Variants in JMY observed in about 807,000 individuals in gnomAD.
The protein encoded by JMY is junction-mediating and -regulatory protein.
Under a neutral mutation model 103.3 loss-of-function variants are expected in JMY, and 46 were observed. That is an observed-to-expected ratio of 0.45 (90% CI 0.35 to 0.57). The LOEUF (loss-of-function observed/expected upper bound fraction) is 0.57, where lower values mean the gene tolerates loss of function less well. Among genes scored for constraint, JMY ranks in the 20% least tolerant of loss-of-function variants. The pLI, the probability that JMY is intolerant of heterozygous loss-of-function variation, is 0.00. For synonymous variants in JMY, 526 were observed against 489.3 expected (o/e 1.07, Z -0.99); for missense variants, 1,238 against 1,255.2 (o/e 0.99, Z 0.21).
In JMY at chr5:79,314,295, A is replaced by T. The variant is rs1240816307; in HGVS notation, c.2103A>T (p.Leu701Phe). ...PGQVILKSTR[L>F]RLAHARRKGA... ...AAGTCATACTTAAATCAACCAGATTACGACTAGCTCATGCAAGAAGAAAAG... is the reference window on the plus strand; with the variant it reads ...AAGTCATACTTAAATCAACCAGATTTCGACTAGCTCATGCAAGAAGAAAAG... The change falls in exon 9 of 11, where the codon TTA becomes TTT. Residue 701 changes from leucine (L) to phenylalanine (F), a missense_variant. Coordinates refer to ENST00000396137, the MANE Select transcript of JMY (RefSeq NM_152405.5). 1 of 1,613,858 alleles carries T rather than the reference A, an allele frequency of 6.2e-7. No individual in the cohort carries two copies. The highest frequency in any genetic ancestry group is 2.2e-5 in the East Asian group (1 of 44,898).
intron 1 of JMY, among the ~76,000 whole-genome samples, chr5:79,262,510 G>A (rs1029204488): frequency 5.3e-5 from 8 of 152,056 alleles, no homozygotes; most frequent in African/African-American, 1.9e-4. Context: ...TATAGGAAAC[G>A]GTTTACACGA....
At chr5:79,275,527 C>T (rs1745913572) in intron 1 of JMY, among the ~76,000 whole-genome samples, 1 of 152,164 alleles carries the variant, frequency 6.6e-6, no homozygotes, top group South Asian at 2.1e-4. Context: ...CACCCTCAGG[C>T]TGAAAGGCAT....
chr5:79,297,152 A>G lies in JMY; in HGVS notation c.1528-3001A>G, dbSNP rs558560409. 4.3e-3 allele frequency among the ~76,000 whole-genome samples: 662 copies of G among 152,342 alleles called. 1 individual carries two copies. Among genetic ancestry groups the G allele is most frequent in the Non-Finnish European group, 6.3e-3 (431 of 68,028 alleles). On this transcript the variant is annotated intron_variant, in intron 4 of 10. Coordinates refer to ENST00000396137, the MANE Select transcript of JMY (RefSeq NM_152405.5). ...GAGTCTAGCTCAAACTTTGCTAGTC[A>G]TTACCTGGATCACATTGGGAGGTTA...
intron 7 of JMY, among the ~76,000 whole-genome samples, chr5:79,310,438 A>G (rs1436218428): frequency 1.3e-5 from 2 of 152,332 alleles, no homozygotes; most frequent in Non-Finnish European, 2.9e-5. Context: ...TGGTTGGAAT[A>G]TATAATTGTC....
intron 1 of JMY, among the ~76,000 whole-genome samples, chr5:79,263,529 G>C (rs1424391474): frequency 2.0e-5 from 3 of 152,246 alleles, no homozygotes; most frequent in African/African-American, 7.2e-5. Flanking sequence ...GACTAGCTGG[G>C]TCAACAGGTG....
chr5:79,268,967 C>T (rs1470543987), intron 1 of JMY, among the ~76,000 whole-genome samples: 3 of 152,052 alleles, frequency 2.0e-5, no homozygotes, highest in Non-Finnish European at 4.4e-5. Context: ...CCTGTCTTTT[C>T]ATTCTTAATA....
chr5:79,284,784 T>C, intron 2 of JMY: 1 of 1,576,902 alleles, frequency 6.3e-7, no homozygotes, highest in South Asian at 1.1e-5. Flanking sequence ...TGAGCATCTT[T>C]CCAATATTTC....
intron 7 of JMY, among the ~76,000 whole-genome samples, chr5:79,311,148 CT>C (rs35187257): frequency 0.55 from 69,256 of 125,864 alleles, 18,092 homozygotes; most frequent in African/African-American, 0.64. Flanking sequence ...ACCACACCTT[CT>C]TTTTTTTTTT....
intron 1 of JMY, among the ~76,000 whole-genome samples, chr5:79,276,219 A>G (rs1293169098): frequency 6.6e-6 from 1 of 152,080 alleles, no homozygotes. Flanking sequence ...ACCCGGTTCA[A>G]GTGATTCTCC....
intron 4 of JMY, among the ~76,000 whole-genome samples, chr5:79,296,832 A>ATAAT (rs1267147343): frequency 3.9e-5 from 6 of 152,250 alleles, no homozygotes; most frequent in African/African-American, 1.4e-4. Flanking sequence ...GAACAAGGGC[A>ATAAT]TAATTCATTT....
At chr5:79,259,558 G>A (rs1208383094) in intron 1 of JMY, among the ~76,000 whole-genome samples, 1 of 152,202 alleles carries the variant, frequency 6.6e-6, no homozygotes, top group East Asian at 1.9e-4. Flanking sequence ...GGCTGTTTGT[G>A]CCAAGGAGTG....
chr5:79,325,732 A>T lies in JMY; in HGVS notation c.*4130A>T, dbSNP rs970404650. On this transcript the variant is annotated 3_prime_UTR_variant, in exon 11 of 11. Coordinates refer to ENST00000396137, the MANE Select transcript of JMY (RefSeq NM_152405.5). ...AGCACATTAAGAAGGGTCACTGCTT[A>T]ATTGCTTTGTAAAATGAAGCAATGG... The T allele has an allele frequency of 2.0e-5, 3 of 152,204 alleles. No homozygotes were observed. The highest frequency in any genetic ancestry group is 4.4e-5 in the Non-Finnish European group (3 of 68,020). The allele number at this position is 152,204 out of a possible 1,614,324, so 9.4% of individuals were successfully genotyped here.
At chr5:79,269,683 T>A (rs2112074994) in intron 1 of JMY, among the ~76,000 whole-genome samples, 1 of 152,288 alleles carries the variant, frequency 6.6e-6, no homozygotes, top group South Asian at 2.1e-4. Flanking sequence ...GGTGTGCTAA[T>A]AGAAATAACA....
Position 79,273,071 on chromosome 5 carries a change from A to G in JMY, c.1033-4839A>G, listed in dbSNP as rs1561299153. 2.0e-5 allele frequency among the ~76,000 whole-genome samples: 3 copies of G among 152,036 alleles called. No homozygotes were observed. The Middle Eastern group carries it at 0.01, about 521-fold the overall frequency. On this transcript the variant is annotated intron_variant, in intron 1 of 10. Coordinates refer to ENST00000396137, the MANE Select transcript of JMY (RefSeq NM_152405.5). ...CAGTCGTATGATTTTTGCTTTGAAC[A>G]CTCCTGTGTATTTTATAGAAATTAA...
intron 1 of JMY, among the ~76,000 whole-genome samples, chr5:79,249,301 T>C (rs2112050334): frequency 6.6e-6 from 1 of 150,758 alleles, no homozygotes; most frequent in East Asian, 2.0e-4. Flanking sequence ...GGATTACAGG[T>C]GTGAGCCACC....
chr5:79,312,593 T>A, intron 8 of JMY, 95 bp downstream of exon 8: 3 of 609,104 alleles, frequency 4.9e-6, no homozygotes, highest in Non-Finnish European at 8.0e-6. Flanking sequence ...TGGGAAAAAC[T>A]TGGTTTTCCC....
chr5:79,291,242 G>A lies in JMY; in HGVS notation c.1470G>A (p.Gln490=). Residue 490 remains glutamine (Q), a synonymous_variant, in exon 4 of 11, where the codon CAG becomes CAA. Coordinates refer to ENST00000396137, the MANE Select transcript of JMY (RefSeq NM_152405.5). ...ATGCAGTTTCTAAGGAAACTTTGCAGATGATGAGAGCTAAAGAGATATGCT... is the reference window on the plus strand; with the variant it reads ...ATGCAGTTTCTAAGGAAACTTTGCAAATGATGAGAGCTAAAGAGATATGCT... ...LQYAVSKETL[Q]MMRAKEICLE... The A allele has an allele frequency of 1.2e-6, 2 of 1,613,166 alleles. No individual in the cohort carries two copies. The highest frequency in any genetic ancestry group is 1.7e-6 in the Non-Finnish European group (2 of 1,179,648).
At chr5:79,246,648 C>T (rs1318267257) in intron 1 of JMY, among the ~76,000 whole-genome samples, 1 of 152,054 alleles carries the variant, frequency 6.6e-6, no homozygotes, top group African/African-American at 2.4e-5. Context: ...TTTGGGAGGC[C>T]GAGGCAGGCG....
At chr5:79,287,309 T>C (rs144037772) in intron 2 of JMY, among the ~76,000 whole-genome samples, 1 of 152,142 alleles carries the variant, frequency 6.6e-6, no homozygotes, top group African/African-American at 2.4e-5. Context: ...TAAATGTGAT[T>C]TGCACTCTCA....
Sources: allele counts gnomAD v4.1 joint callset (sites outside exome capture counted in the v4.1 genomes callset), GRCh38; gene constraint gnomAD v4.1.1; transcripts MANE v1.5; gene names NCBI Gene and HGNC (gene_info 2026-07-23, HGNC 2026-07-21).